TLK1: variants seen among roughly 807,000 people sequenced by gnomAD.
TLK1 encodes the protein tousled like kinase 1.
In TLK1, 24 loss-of-function variants were observed where a neutral mutation model predicts 105.3. That is an observed-to-expected ratio of 0.23 (90% CI 0.17 to 0.32). The LOEUF is 0.32. TLK1 is among the 10% of genes least tolerant of loss of function. The pLI is 1.00. For synonymous variants in TLK1, 321 were observed against 310.4 expected, an observed-to-expected ratio of 1.03 and a Z score of -0.36; for missense variants, 558 against 910.5, an observed-to-expected ratio of 0.61 and a Z score of 4.98.
Position 171,006,136 on chromosome 2 carries a change from A to T in TLK1, c.1904+11T>A. 1 of 1,566,338 alleles carries T rather than the reference A, an allele frequency of 6.4e-7. No homozygotes were observed. The highest frequency in any genetic ancestry group is 8.6e-7 in the Non-Finnish European group (1 of 1,161,760). ...ATCTAGACATTCTGATGTTTTTAGT[A>T]ATACACTTACCAGTAAGTGCCTGCC... On this transcript the variant is annotated intron_variant, in intron 18 of 20. Coordinates refer to ENST00000431350, the MANE Select transcript of TLK1 (RefSeq NM_012290.5).
intron 1 of TLK1, among the ~76,000 whole-genome samples, chr2:171,195,718 C>T (rs1203853464): frequency 6.6e-6 from 1 of 152,004 alleles, no homozygotes; most frequent in Non-Finnish European, 1.5e-5. Flanking sequence ...AAAATGATTA[C>T]ATTTATAAGA....
At chr2:171,021,329 T>C (rs1685491113) in intron 12 of TLK1, among the ~76,000 whole-genome samples, 1 of 152,060 alleles carries the variant, frequency 6.6e-6, no homozygotes, top group Non-Finnish European at 1.5e-5. Flanking sequence ...CGTTCAACAC[T>C]AACCAAGGGG....
intron 2 of TLK1, among the ~76,000 whole-genome samples, chr2:171,103,783 C>A (rs1689799139): frequency 1.3e-5 from 2 of 151,994 alleles, no homozygotes; most frequent in Non-Finnish European, 2.9e-5. Flanking sequence ...AATTACATTT[C>A]TTTATATTCC....
intron 1 of TLK1, among the ~76,000 whole-genome samples, chr2:171,210,954 C>G (rs1693602828): frequency 6.6e-6 from 1 of 152,222 alleles, no homozygotes; most frequent in Non-Finnish European, 1.5e-5. Context: ...CAGGTATATA[C>G]AGCCGGATGT....
In TLK1 at chr2:171,201,422, T is replaced by A. The variant is rs1437516747; in HGVS notation, c.-6+29723A>T. ...TTTATTAAGAGCCATACTATCAACA[T>A]GAACCCTGCCTGACCTCACTTCAGA... On this transcript the variant is annotated intron_variant, in intron 1 of 20. Transcript: ENST00000521943. Among the ~76,000 whole-genome samples the A allele has an allele frequency of 2.0e-5, 3 of 152,196 alleles. 1 individual carries two copies. The South Asian group carries it at 6.2e-4, about 32-fold the overall frequency.
chr2:170,994,743 C>T (rs1345860675), intron 20 of TLK1: 2 of 514,298 alleles, frequency 3.9e-6, no homozygotes, highest in Non-Finnish European at 7.8e-6. Context: ...ACTTCTAAAA[C>T]CATAGTTGAG....
At chr2:171,228,067 T>C (rs1693933458) in intron 1 of TLK1, among the ~76,000 whole-genome samples, 1 of 152,150 alleles carries the variant, frequency 6.6e-6, no homozygotes, top group South Asian at 2.1e-4. Context: ...TCCCAGCTAC[T>C]TGGGAGGCTG....
At chr2:171,017,581 T>C (rs1413695455) in intron 12 of TLK1, among the ~76,000 whole-genome samples, 1 of 152,228 alleles carries the variant, frequency 6.6e-6, no homozygotes, top group African/African-American at 2.4e-5. Flanking sequence ...CAGATGTCTA[T>C]ACAATGGTAG....
At chr2:171,001,641 C>A (rs1475201713) in intron 18 of TLK1, among the ~76,000 whole-genome samples, 1 of 152,210 alleles carries the variant, frequency 6.6e-6, no homozygotes, top group Non-Finnish European at 1.5e-5. Context: ...TACATCAAAT[C>A]CTGGTGCTCA....
chr2:171,124,493 A>G (rs978588120), intron 1 of TLK1, among the ~76,000 whole-genome samples: 7 of 152,236 alleles, frequency 4.6e-5, no homozygotes, highest in African/African-American at 1.7e-4. Context: ...GCCAGTCAGG[A>G]TATTTGTCCT....
intron 2 of TLK1, among the ~76,000 whole-genome samples, chr2:171,113,848 G>A (rs16859157): frequency 0.037 from 5,616 of 152,242 alleles, 415 homozygotes; most frequent in East Asian, 0.3. Flanking sequence ...GGATGCAGAA[G>A]CAGTATTTAA....
At chr2:171,181,465 G>C (rs993120880) in intron 1 of TLK1, among the ~76,000 whole-genome samples, 5 of 152,164 alleles carry the variant, frequency 3.3e-5, no homozygotes, top group Admixed American at 1.3e-4. Context: ...TGCTCTAAAG[G>C]AATGCCTGAG....
At chr2:171,158,453 C>T (rs1229513421) in intron 1 of TLK1, among the ~76,000 whole-genome samples, 2 of 152,164 alleles carry the variant, frequency 1.3e-5, no homozygotes, top group East Asian at 3.8e-4. Context: ...GTTGAAGTAA[C>T]CTCAGAAACT....
intron 11 of TLK1, among the ~76,000 whole-genome samples, chr2:171,032,321 A>G (rs1038201021): frequency 1.3e-5 from 2 of 152,224 alleles, no homozygotes; most frequent in African/African-American, 2.4e-5. Flanking sequence ...TGCAGATGAC[A>G]TGCCTCTATA....
At chr2:171,120,883 G>A (rs1330915615) in intron 1 of TLK1, among the ~76,000 whole-genome samples, 2 of 152,190 alleles carry the variant, frequency 1.3e-5, no homozygotes, top group Non-Finnish European at 2.9e-5. Flanking sequence ...CCTAAAGGTA[G>A]AAGCAATCCA....
intron 1 of TLK1, among the ~76,000 whole-genome samples, chr2:171,197,508 G>A (rs1295013644): frequency 1.8e-4 from 28 of 152,218 alleles, no homozygotes; most frequent in Non-Finnish European, 7.3e-5. Flanking sequence ...GTCAGGCACA[G>A]TGGCTCACGC....
At chr2:171,099,185 A>G (rs906242952) in intron 2 of TLK1, among the ~76,000 whole-genome samples, 3 of 152,244 alleles carry the variant, frequency 2.0e-5, no homozygotes, top group African/African-American at 7.2e-5. Context: ...CAAGACTAAC[A>G]CACAAAAACC....
chr2:171,125,561 G>A (rs936694609), intron 1 of TLK1, among the ~76,000 whole-genome samples: 1 of 152,140 alleles, frequency 6.6e-6, no homozygotes, highest in Non-Finnish European at 1.5e-5. Flanking sequence ...ACTGAAATTT[G>A]TGGTACACCA....
At chr2:171,211,907 G>A (rs1254866371) in intron 1 of TLK1, among the ~76,000 whole-genome samples, 2 of 149,280 alleles carry the variant, frequency 1.3e-5, no homozygotes, top group Non-Finnish European at 3.0e-5. Flanking sequence ...GTGCAGTGGT[G>A]CAATCTCGGC....
Sources: allele counts gnomAD v4.1 joint callset (sites outside exome capture counted in the v4.1 genomes callset), GRCh38; gene constraint gnomAD v4.1.1; transcripts MANE v1.5; gene names NCBI Gene and HGNC (gene_info 2026-07-23, HGNC 2026-07-21).